The following RAB28 variants were observed in gnomAD, a reference collection of about 807,000 sequenced individuals.
RAB28 encodes the protein RAB28, member RAS oncogene family, also known as ras-related protein Rab-28.
In RAB28, 24 loss-of-function variants were observed where a neutral mutation model predicts 31.7. That is an observed-to-expected ratio of 0.76 (90% CI 0.55 to 1.06). The LOEUF (loss-of-function observed/expected upper bound fraction) is 1.06. Ranked by LOEUF, RAB28 falls within the 50% of genes least tolerant of loss-of-function variation. The pLI is 0.00. For synonymous variants in RAB28, 100 were observed against 90.4 expected, an observed-to-expected ratio of 1.11 and a Z score of -0.60; for missense variants, 254 against 258.5, an observed-to-expected ratio of 0.98 and a Z score of 0.12.
At chr4:13,387,210 T>A (rs965662385) in intron 4 of RAB28, among the ~76,000 whole-genome samples, 1 of 152,070 alleles carries the variant, frequency 6.6e-6, no homozygotes, top group African/African-American at 2.4e-5. Flanking sequence ...AGTGTAACTA[T>A]GTAACAAACC....
chr4:13,455,655 G>A (rs1353486274), intron 4 of RAB28, among the ~76,000 whole-genome samples: 1 of 152,224 alleles, frequency 6.6e-6, no homozygotes, highest in African/African-American at 2.4e-5. Context: ...TCTTGTGCTA[G>A]TAATCCGGAG....
chr4:13,376,972 T>G (rs190856999), intron 5 of RAB28, among the ~76,000 whole-genome samples: 6 of 152,256 alleles, frequency 3.9e-5, no homozygotes, highest in Non-Finnish European at 7.4e-5. Flanking sequence ...AAAATAAAAA[T>G]AATCTATACT....
intron 3 of RAB28, among the ~76,000 whole-genome samples, chr4:13,472,129 C>G (rs1407114866): frequency 1.3e-5 from 2 of 151,676 alleles, no homozygotes; most frequent in African/African-American, 2.4e-5. Context: ...TAAATGACAC[C>G]GATTATATAC....
chr4:13,474,250 G>A lies in RAB28; in HGVS notation c.261+68C>T, dbSNP rs1187648792. 3 of 995,618 alleles carry A rather than the reference G, an allele frequency of 3.0e-6. No individual in the cohort carries two copies. The African/African-American group carries it at 4.8e-5, about 16-fold the overall frequency. 61.7% of individuals were successfully genotyped at this position (995,618 alleles called of 1,614,324 possible). A position where few individuals can be genotyped will look rare whatever the true frequency, so the allele number is the denominator to read the frequency against. ...AATGTGTGTGTGTGTGCATTTGGGA[G>A]TAGATTTGCATGTGTGCTTGTAAGT... On this transcript the variant is annotated intron_variant, in intron 3 of 6. Coordinates refer to ENST00000330852, the MANE Select transcript of RAB28 (RefSeq NM_001017979.3).
intron 6 of RAB28, among the ~76,000 whole-genome samples, chr4:13,374,784 C>A (rs1417453343): frequency 6.6e-6 from 1 of 152,042 alleles, no homozygotes; most frequent in Admixed American, 6.5e-5. Flanking sequence ...AATCTCCCTC[C>A]CATCCAACGA....
intron 4 of RAB28, among the ~76,000 whole-genome samples, chr4:13,418,164 T>C (rs765161505): frequency 4.6e-5 from 7 of 151,974 alleles, no homozygotes; most frequent in Admixed American, 2.0e-4. Context: ...CGATTGAAGA[T>C]CAAATTAATG....
chr4:13,386,647 T>G (rs1729381704), intron 4 of RAB28, among the ~76,000 whole-genome samples: 1 of 152,214 alleles, frequency 6.6e-6, no homozygotes, highest in African/African-American at 2.4e-5. Flanking sequence ...ATACTGTTGG[T>G]GGAAGTATAA....
At chr4:13,377,386 TATTA>T (rs1331928252) in intron 5 of RAB28, among the ~76,000 whole-genome samples, 1 of 152,196 alleles carries the variant, frequency 6.6e-6, no homozygotes, top group Non-Finnish European at 1.5e-5. Context: ...ATCAAAACTT[TATTA>T]ATTTTTACTT....
At chr4:13,474,627 A>G (rs975885490) in intron 2 of RAB28, among the ~76,000 whole-genome samples, 1 of 151,646 alleles carries the variant, frequency 6.6e-6, no homozygotes, top group Admixed American at 6.6e-5. Flanking sequence ...TTTCCATGGA[A>G]CCATATTTAC....
At chr4:13,412,365 G>A (rs1712487162) in intron 4 of RAB28, among the ~76,000 whole-genome samples, 1 of 152,106 alleles carries the variant, frequency 6.6e-6, no homozygotes, top group African/African-American at 2.4e-5. Context: ...GGGGTGGGAG[G>A]AGAAGTGGGG....
chr4:13,444,381 A>AAT (rs141970253), intron 4 of RAB28, among the ~76,000 whole-genome samples: 2,359 of 150,802 alleles, frequency 0.016, 59 homozygotes, highest in African/African-American at 0.05. Flanking sequence ...TGTGTATACA[A>AAT]ATATATATAT....
At chr4:13,472,924 C>T (rs1204508572) in intron 3 of RAB28, among the ~76,000 whole-genome samples, 1 of 151,926 alleles carries the variant, frequency 6.6e-6, no homozygotes, top group Admixed American at 6.6e-5. Flanking sequence ...TATCAAGTCA[C>T]TTAACCACAG....
At chr4:13,424,455 G>A (rs1713357788) in intron 4 of RAB28, among the ~76,000 whole-genome samples, 1 of 152,140 alleles carries the variant, frequency 6.6e-6, no homozygotes, top group Non-Finnish European at 1.5e-5. Context: ...CTTCTCGTAA[G>A]TCATTGGATT....
intron 6 of RAB28, among the ~76,000 whole-genome samples, chr4:13,372,721 T>C (rs1372794073): frequency 6.6e-6 from 1 of 151,988 alleles, no homozygotes; most frequent in Non-Finnish European, 1.5e-5. Flanking sequence ...AAAATTAACA[T>C]GTGGGTAAGA....
intron 4 of RAB28, among the ~76,000 whole-genome samples, chr4:13,455,754 G>T (rs1434447966): frequency 6.6e-6 from 1 of 152,216 alleles, no homozygotes; most frequent in Non-Finnish European, 1.5e-5. Context: ...AAGGAATGTA[G>T]ATGTTTGTGG....
Position 13,375,768 on chromosome 4 carries a change from A to C in RAB28, c.573+777T>G, listed in dbSNP as rs867270290. 3.0e-3 allele frequency among the ~76,000 whole-genome samples: 439 copies of C among 148,166 alleles called. 1 individual carries two copies. The highest frequency in any genetic ancestry group is 0.01 in the African/African-American group (404 of 40,178). The stretch of plus-strand genomic sequence containing the variant: ...CAAATATTTGCTTCAATTGTTTTAA[A>C]ACACACACACACACACACACACACA... On this transcript the variant is annotated intron_variant, in intron 6 of 6. Transcript: ENST00000330852.
At chr4:13,371,317 A>G in intron 6 of RAB28, 1 of 985,270 alleles carries the variant, frequency 1.0e-6, no homozygotes, top group Non-Finnish European at 1.2e-6. Context: ...TCAGTGAAAT[A>G]TTGTATACCA....
chr4:13,423,123 A>G (rs763345483), intron 4 of RAB28, among the ~76,000 whole-genome samples: 35 of 152,204 alleles, frequency 2.3e-4, no homozygotes, highest in Admixed American at 3.3e-4. Flanking sequence ...TATATGAAAA[A>G]GCAAACAAAG....
intron 2 of RAB28, among the ~76,000 whole-genome samples, chr4:13,476,134 A>C (rs538920597): frequency 6.6e-6 from 1 of 151,512 alleles, no homozygotes. Context: ...AGAAATATAA[A>C]GCTTTTTTAA....
Sources: allele counts gnomAD v4.1 joint callset (sites outside exome capture counted in the v4.1 genomes callset), GRCh38; gene constraint gnomAD v4.1.1; transcripts MANE v1.5; gene names NCBI Gene and HGNC (gene_info 2026-07-23, HGNC 2026-07-21).